The following NUBPL variants were observed in gnomAD, a reference collection of about 807,000 sequenced individuals.
NUBPL encodes the protein iron-sulfur cluster transfer protein NUBPL.
In NUBPL, 31 loss-of-function variants were observed where a neutral mutation model predicts 45.7. The observed-to-expected ratio is 0.68, with a 90% CI of 0.51 to 0.92. The LOEUF is 0.92. Ranked by LOEUF, NUBPL falls within the 40% of genes least tolerant of loss-of-function variation. The probability of loss-of-function intolerance (pLI) is 0.00; values close to 1 mark genes in which losing one functional copy is unlikely to be tolerated. For missense variants in NUBPL, 401 were observed against 398.7 expected (o/e 1.01, Z -0.05); for synonymous variants, 144 against 140.9 (o/e 1.02, Z -0.15).
At chr14:31,602,678 A>G (rs1566440625) in intron 4 of NUBPL, among the ~76,000 whole-genome samples, 1 of 152,188 alleles carries the variant, frequency 6.6e-6, no homozygotes, top group East Asian at 1.9e-4. Context: ...GAGGATTAAT[A>G]TAATGCATTT....
chr14:31,761,363 A>G lies in NUBPL; in HGVS notation c.514-26417A>G, dbSNP rs536857175. On this transcript the variant is annotated intron_variant, in intron 6 of 10. Coordinates refer to ENST00000281081, the MANE Select transcript of NUBPL (RefSeq NM_025152.3). Reference sequence around the variant, plus strand: ...CTAATTTTCTAAATTTTTTGTGTAGATGAGGTCAGTGCTTTTCAATTTTTT... The same window carrying G: ...CTAATTTTCTAAATTTTTTGTGTAGGTGAGGTCAGTGCTTTTCAATTTTTT... Among the ~76,000 whole-genome samples, 6 of 152,246 alleles carry G rather than the reference A, an allele frequency of 3.9e-5. No individual in the cohort carries two copies. The East Asian group carries it at 1.2e-3, about 29-fold the overall frequency.
chr14:31,824,486 C>T (rs758781876), intron 7 of NUBPL, among the ~76,000 whole-genome samples: 2 of 152,102 alleles, frequency 1.3e-5, no homozygotes, highest in Non-Finnish European at 2.9e-5. Context: ...AAATTAAATA[C>T]AAGCAAAACT....
chr14:31,693,530 G>C (rs1248913721), intron 6 of NUBPL, among the ~76,000 whole-genome samples: 1 of 152,004 alleles, frequency 6.6e-6, no homozygotes, highest in African/African-American at 2.4e-5. Flanking sequence ...TATTAAGTTA[G>C]CCATATCTAA....
At chr14:31,720,039 G>A (rs1218799666) in intron 6 of NUBPL, among the ~76,000 whole-genome samples, 2 of 152,150 alleles carry the variant, frequency 1.3e-5, no homozygotes, top group African/African-American at 4.8e-5. Flanking sequence ...TTGAGCAGGA[G>A]CCTATAAACT....
rs897940444 is a variant in NUBPL, at chr14:31,860,600, G to A, written c.*1420G>A. 3.9e-5 allele frequency: 6 copies of A among 152,162 alleles called. No homozygotes were observed. Among genetic ancestry groups the A allele is most frequent in the Non-Finnish European group, 7.3e-5 (5 of 68,032 alleles). 9.4% of individuals were successfully genotyped at this position (152,162 alleles called of 1,614,324 possible). ...AAGTGGTCTGTCACTTTTGGCAAAT[G>A]TCTTGACATCTGTTGCTCTACAGTT... On this transcript the variant is annotated 3_prime_UTR_variant, in exon 11 of 11. Coordinates refer to ENST00000281081, the MANE Select transcript of NUBPL (RefSeq NM_025152.3).
intron 8 of NUBPL, among the ~76,000 whole-genome samples, chr14:31,838,200 G>A (rs1268730330): frequency 1.4e-5 from 2 of 146,036 alleles, no homozygotes; most frequent in East Asian, 4.1e-4. Flanking sequence ...GCTGGTGGTA[G>A]TATAAATTGA....
intron 7 of NUBPL, among the ~76,000 whole-genome samples, chr14:31,824,710 G>C (rs2040070129): frequency 6.6e-6 from 1 of 151,848 alleles, no homozygotes; most frequent in South Asian, 2.1e-4. Flanking sequence ...ATCCCTTCAG[G>C]CAATACTGTC....
intron 6 of NUBPL, among the ~76,000 whole-genome samples, chr14:31,752,482 A>G (rs770226377): frequency 5.9e-4 from 90 of 152,244 alleles, no homozygotes; most frequent in Non-Finnish European, 3.8e-4. Flanking sequence ...TCGCTAAAGC[A>G]TAGCAAGAGT....
intron 7 of NUBPL, among the ~76,000 whole-genome samples, chr14:31,799,056 C>A (rs552734013): frequency 6.6e-6 from 1 of 152,002 alleles, no homozygotes; most frequent in East Asian, 1.9e-4. Flanking sequence ...TTAGAAAGAG[C>A]CTTTCTATCA....
In NUBPL at chr14:31,724,079, C is replaced by T. The variant is rs1325381508; in HGVS notation, c.513+50505C>T. 2.0e-5 allele frequency among the ~76,000 whole-genome samples: 3 copies of T among 152,158 alleles called. No homozygotes were observed. The East Asian group carries it at 5.8e-4, about 29-fold the overall frequency. ...AATATGAGGTTGTCTAGGGGTTTCTCACAAATGGCTTTTATTATTTTGAGC... is the reference window on the plus strand; with the variant it reads ...AATATGAGGTTGTCTAGGGGTTTCTTACAAATGGCTTTTATTATTTTGAGC... On this transcript the variant is annotated intron_variant, in intron 6 of 10. Coordinates refer to ENST00000281081, the MANE Select transcript of NUBPL (RefSeq NM_025152.3).
intron 6 of NUBPL, among the ~76,000 whole-genome samples, chr14:31,745,138 G>T (rs571809070): frequency 6.6e-6 from 1 of 151,864 alleles, no homozygotes; most frequent in Non-Finnish European, 1.5e-5. Flanking sequence ...CGCCATGTTG[G>T]TGTGCTGCAC....
chr14:31,712,452 C>T (rs114951922), intron 6 of NUBPL, among the ~76,000 whole-genome samples: 7,204 of 152,334 alleles, frequency 0.047, 216 homozygotes, highest in Admixed American at 0.066. Context: ...GAGCCGTGCC[C>T]ACCCAGAACC....
chr14:31,621,549 C>T (rs1290729972), intron 4 of NUBPL, among the ~76,000 whole-genome samples: 4 of 152,168 alleles, frequency 2.6e-5, no homozygotes, highest in Non-Finnish European at 4.4e-5. Flanking sequence ...AGGGAAATCC[C>T]TTGATCCCTT....
At chr14:31,607,733 A>G (rs147079200) in intron 4 of NUBPL, among the ~76,000 whole-genome samples, 2,216 of 152,268 alleles carry the variant, frequency 0.015, 29 homozygotes, top group South Asian at 0.026. Flanking sequence ...GCACAACAAC[A>G]GGATCTAGGA....
Position 31,858,556 on chromosome 14 carries a change from C to A in NUBPL, c.898-562C>A, listed in dbSNP as rs963316332. Among the ~76,000 whole-genome samples the A allele has an allele frequency of 3.9e-5, 6 of 152,238 alleles. No individual in the cohort carries two copies. In the East Asian group the frequency reaches 1.2e-3, roughly 29 times the overall value. On this transcript the variant is annotated intron_variant, in intron 10 of 10. Coordinates refer to ENST00000281081, the MANE Select transcript of NUBPL (RefSeq NM_025152.3). The stretch of plus-strand genomic sequence containing the variant: ...TGTTAGTGTCCCATGACACTGGGAT[C>A]CCAGACATAAAGAGTGTAACAATGG...
Position 31,700,943 on chromosome 14 carries a change from C to T in NUBPL, c.513+27369C>T, listed in dbSNP as rs569167878. Among the ~76,000 whole-genome samples the T allele has an allele frequency of 3.5e-4, 53 of 152,290 alleles. No individual in the cohort carries two copies. The East Asian group carries it at 8.3e-3, about 24-fold the overall frequency. On this transcript the variant is annotated intron_variant, in intron 6 of 10. Transcript: ENST00000281081. ...AGGGCTGAGGAGTGCAGGTGCGCGG[C>T]GCGGGACTGGCGGGCAGCTCCATCT...
intron 10 of NUBPL, among the ~76,000 whole-genome samples, chr14:31,855,977 G>A (rs1019805294): frequency 5.3e-5 from 8 of 152,148 alleles, no homozygotes; most frequent in African/African-American, 1.9e-4. Flanking sequence ...CAAATATTAA[G>A]TACTCAGTAA....
At chr14:31,668,492 G>A (rs1013601591) in intron 4 of NUBPL, among the ~76,000 whole-genome samples, 2 of 152,146 alleles carry the variant, frequency 1.3e-5, no homozygotes, top group Admixed American at 6.5e-5. Flanking sequence ...TTAGCTTGCC[G>A]GGCTCTGTAG....
intron 4 of NUBPL, among the ~76,000 whole-genome samples, chr14:31,628,987 A>G (rs1201655149): frequency 6.6e-6 from 1 of 152,152 alleles, no homozygotes; most frequent in African/African-American, 2.4e-5. Flanking sequence ...AGTTTTACCT[A>G]CCATTGCTTT....
Sources: gnomAD v4.1 joint callset for allele counts (sites outside exome capture counted in the v4.1 genomes callset) on GRCh38, gnomAD v4.1.1 for gene constraint, MANE v1.5 for transcripts, NCBI Gene and HGNC (gene_info 2026-07-23, HGNC 2026-07-21) for gene names.